Variants in RRBP1 observed in about 807,000 individuals in gnomAD.
The protein encoded by RRBP1 is ribosome-binding protein 1.
A neutral mutation model predicts 165.2 loss-of-function variants in RRBP1; 94 were observed. That is an observed-to-expected ratio of 0.57 (90% CI 0.48 to 0.68). RRBP1 has a LOEUF of 0.68. RRBP1 is among the 30% of genes least tolerant of loss of function. The pLI is 0.00. For synonymous variants in RRBP1, 680 were observed against 714.5 expected, an observed-to-expected ratio of 0.95 and a Z score of 0.77; for missense variants, 1,676 against 1,763.0, an observed-to-expected ratio of 0.95 and a Z score of 0.88.
intron 17 of RRBP1, 90 bp downstream of exon 17, chr20:17,620,624 GA>G: frequency 1.0e-6 from 1 of 989,150 alleles, no homozygotes; most frequent in South Asian, 1.3e-5. Context: ...CGAGACACAC[GA>G]GTCTCACAGG....
chr20:17,672,506 T>C (rs1241016136), intron 2 of RRBP1, among the ~76,000 whole-genome samples: 1 of 152,258 alleles, frequency 6.6e-6, no homozygotes, highest in Non-Finnish European at 1.5e-5. Context: ...AAAATTCATT[T>C]TGGTTCCCTT....
At chr20:17,631,092 G>A (rs1406622423) in intron 8 of RRBP1, among the ~76,000 whole-genome samples, 1 of 152,246 alleles carries the variant, frequency 6.6e-6, no homozygotes, top group Non-Finnish European at 1.5e-5. Flanking sequence ...GCATTAGAAC[G>A]TAGCAGGGGA....
chr20:17,657,757 A>T (rs2036671277), intron 3 of RRBP1, among the ~76,000 whole-genome samples: 1 of 152,234 alleles, frequency 6.6e-6, no homozygotes. Context: ...GCTTCATATG[A>T]TCACATATAT....
chr20:17,635,348 C>CT (rs1353154449), intron 7 of RRBP1, among the ~76,000 whole-genome samples, 198 bp downstream of exon 7: 1 of 152,236 alleles, frequency 6.6e-6, no homozygotes, highest in African/African-American at 2.4e-5. Flanking sequence ...CACCACCAGC[C>CT]ACCACAGGGA....
At position 17,658,748 on chromosome 20, in the gene RRBP1, C is replaced by T; in HGVS notation, c.1760G>A (p.Gly587Asp). Residue 587 changes from glycine to aspartate, a missense_variant, in exon 3 of 25, where the codon GGC (glycine) becomes GAC (aspartate). Physicochemically the swap from Gly to Asp is moderately conservative, Grantham distance 94 (BLOSUM62 -1). This residue lies in a region of RRBP1 where 1,184 missense variants were observed against 1,167.1 expected (regional missense o/e 1.01). Transcript: ENST00000377813. ...ATTGGCAGCTGCGTCTGCCTTTTTG[C>T]CTTGGTTGGGGGACCCTTCTGCCTT... is the stretch of plus-strand genomic sequence containing the variant. Reference protein sequence around the residue: ...GKKAEGSPNQGKKADAAANQG... With the variant: ...GKKAEGSPNQDKKADAAANQG... The T allele has an allele frequency of 6.2e-7, 1 of 1,612,808 alleles. No individual in the cohort carries two copies. Among genetic ancestry groups the T allele is most frequent in the Non-Finnish European group, 8.5e-7 (1 of 1,178,796 alleles).
chr20:17,618,518 C>T (rs762633817), intron 20 of RRBP1, 78 bp downstream of exon 20: 17 of 1,124,304 alleles, frequency 1.5e-5, no homozygotes, highest in Admixed American at 8.4e-5. Flanking sequence ...TGGACACAAA[C>T]GCATGACTGG....
At chr20:17,646,330 T>C (rs2036461789) in intron 3 of RRBP1, among the ~76,000 whole-genome samples, 2 of 152,202 alleles carry the variant, frequency 1.3e-5, no homozygotes, top group African/African-American at 4.8e-5. Flanking sequence ...GAAACCACTG[T>C]ACAGATGAAC....
chr20:17,640,374 T>A (rs1021052698), intron 5 of RRBP1, among the ~76,000 whole-genome samples: 5 of 151,382 alleles, frequency 3.3e-5, no homozygotes, highest in African/African-American at 9.7e-5. Flanking sequence ...CCCAGAGGAG[T>A]CACGAAAGGG....
chr20:17,615,155 T>C (rs886923639), intron 23 of RRBP1, among the ~76,000 whole-genome samples: 1 of 152,238 alleles, frequency 6.6e-6, no homozygotes, highest in East Asian at 1.9e-4. Flanking sequence ...CACACCTGAC[T>C]ACTGAGCGCT....
chr20:17,671,877 T>C (rs536745164), intron 2 of RRBP1, among the ~76,000 whole-genome samples: 75 of 152,320 alleles, frequency 4.9e-4, no homozygotes, highest in African/African-American at 1.7e-3. Context: ...ATCCAGCAAG[T>C]TAGAAGACCG....
Position 17,641,799 on chromosome 20 carries a change from T to A in RRBP1, c.2182A>T (p.Lys728Ter). 1 of 1,612,904 alleles carries A rather than the reference T, an allele frequency of 6.2e-7. No individual in the cohort carries two copies. Among genetic ancestry groups the A allele is most frequent in the Non-Finnish European group, 8.5e-7 (1 of 1,179,932 alleles). ...CTCCGAGCCCACTCAGGCTGTACCT[T>A]GTTGAGCTCCCTCAGTTTGCTCTTG... ...VAKSKLRELN[K>*]EMAAEKAKAA... The change falls in exon 5 of 25, where the codon AAG (lysine) becomes TAG (stop). Residue 728 changes from lysine (K) to a stop codon, truncating the protein, a stop_gained and splice_region_variant. Coordinates refer to ENST00000377813, the MANE Select transcript of RRBP1 (RefSeq NM_001365613.2). LOFTEE classifies it high-confidence loss of function.
chr20:17,664,457 T>C (rs2036829663), intron 2 of RRBP1, among the ~76,000 whole-genome samples: 1 of 152,206 alleles, frequency 6.6e-6, no homozygotes, highest in Admixed American at 6.5e-5. Context: ...ATTGCTAACA[T>C]ACTCAGACTG....
intron 3 of RRBP1, among the ~76,000 whole-genome samples, chr20:17,649,034 T>C (rs904361023): frequency 6.6e-6 from 1 of 152,234 alleles, no homozygotes; most frequent in East Asian, 1.9e-4. Context: ...AAGAGTGTCA[T>C]CTAGCAGCTT....
chr20:17,658,933 A>T lies in RRBP1; in HGVS notation c.1575T>A (p.Ala525=), dbSNP rs2036696478. 6.2e-7 allele frequency: 1 copy of T among 1,612,548 alleles called. No homozygotes were observed. The highest frequency in any genetic ancestry group is 2.2e-5 in the East Asian group (1 of 44,864). ...GACTCCTTTCTGCCTTTTTGCCCTG[A>T]GCCCCTTCTGTCTTTTTACCCTGAT... ...AQNQGKKTEG[A]QGKKAERSPN... is the part of the protein sequence containing the mutation. The change falls in exon 3 of 25, where the codon GCT becomes GCA. Residue 525 remains alanine, a synonymous_variant. Coordinates refer to ENST00000377813, the MANE Select transcript of RRBP1 (RefSeq NM_001365613.2).
Position 17,641,878 on chromosome 20 carries a change from C to T in RRBP1, c.2103G>A (p.Gln701=). 6.2e-7 allele frequency: 1 copy of T among 1,614,124 alleles called. No homozygotes were observed. Among genetic ancestry groups the T allele is most frequent in the Non-Finnish European group, 8.5e-7 (1 of 1,179,988 alleles). Residue 701 remains glutamine, a synonymous_variant, in exon 5 of 25, where the codon CAG becomes CAA. Coordinates refer to ENST00000377813, the MANE Select transcript of RRBP1 (RefSeq NM_001365613.2). The part of the protein sequence containing the change: ...KGDPVAILKR[Q]LEEKEKLLAT... The stretch of plus-strand genomic sequence containing the variant: ...CCAGCAGTTTTTCCTTCTCTTCCAG[C>T]TGGCGTTTCAGAATCGCCACAGGGT...
intron 8 of RRBP1, among the ~76,000 whole-genome samples, chr20:17,631,840 G>A (rs943318919): frequency 6.6e-6 from 1 of 152,242 alleles, no homozygotes; most frequent in Admixed American, 6.5e-5. Context: ...TCAGGTGAAG[G>A]CAGGACAGTC....
At chr20:17,635,091 G>A (rs1465943979) in intron 7 of RRBP1, among the ~76,000 whole-genome samples, 2 of 152,168 alleles carry the variant, frequency 1.3e-5, no homozygotes, top group East Asian at 1.9e-4. Context: ...TGGGTTTCTC[G>A]AGGGCTGCCA....
Position 17,625,539 on chromosome 20 carries a change from G to A in RRBP1, c.3027C>T (p.Ala1009=), listed in dbSNP as rs756944591. Reference sequence around the variant, plus strand: ...TGTTCTTCACTTTCTGCTGCTCGACGGCCTCCCTGAGCTCGATGGCCTCCT... The same window carrying A: ...TGTTCTTCACTTTCTGCTGCTCGACAGCCTCCCTGAGCTCGATGGCCTCCT... The part of the protein sequence containing the change: ...LEKEAIELRE[A]VEQQKVKNND... Residue 1009 remains alanine (A), a synonymous_variant, in exon 12 of 25, where the codon GCC becomes GCT. Transcript: ENST00000377813. 7.4e-6 allele frequency: 12 copies of A among 1,613,784 alleles called. No homozygotes were observed. Among genetic ancestry groups the A allele is most frequent in the Admixed American group, 5.0e-5 (3 of 60,000 alleles).
At position 17,631,423 on chromosome 20, in the gene RRBP1, C is replaced by T. The variant is rs138195457; in HGVS notation, c.2611-1462G>A. ...TTAGAACTCTGATTCCAGCAACAAGCAAACAAAAACCCACCCACCTTCAGG... is the reference window on the plus strand; with the variant it reads ...TTAGAACTCTGATTCCAGCAACAAGTAAACAAAAACCCACCCACCTTCAGG... On this transcript the variant is annotated intron_variant, in intron 8 of 24. Transcript: ENST00000377813. 1.5e-3 allele frequency among the ~76,000 whole-genome samples: 236 copies of T among 152,372 alleles called. 1 individual carries two copies. Among genetic ancestry groups the T allele is most frequent in the African/African-American group, 5.4e-3 (226 of 41,586 alleles).
Sources: allele counts gnomAD v4.1 joint callset (sites outside exome capture counted in the v4.1 genomes callset), GRCh38; gene constraint gnomAD v4.1.1; regional missense constraint gnomAD v4.1.1; transcripts MANE v1.5; gene names NCBI Gene and HGNC (gene_info 2026-07-23, HGNC 2026-07-21).